MPP7: variants seen among roughly 807,000 people sequenced by gnomAD.
The protein encoded by MPP7 is MAGUK p55 scaffold protein 7, also known as MAGUK p55 subfamily member 7.
MPP7 carries 60 observed loss-of-function variants against 76.5 expected under a neutral mutation model. That is an observed-to-expected ratio of 0.78 (90% confidence interval 0.64 to 0.97). The LOEUF is 0.97. Among genes scored for constraint, MPP7 ranks in the 50% least tolerant of loss-of-function variants. The pLI is 0.00. For missense variants in MPP7, 641 were observed against 694.0 expected, an observed-to-expected ratio of 0.92 and a Z score of 0.86; for synonymous variants, 237 against 244.5, an observed-to-expected ratio of 0.97 and a Z score of 0.29.
rs190332100 is a variant in MPP7 at position 28,147,944 on chromosome 10, C to A, written c.235-381G>T. The stretch of plus-strand genomic sequence containing the variant: ...TCCCCCAACCCCCACAAAAACAGAG[C>A]TTCTGAATGAGGTGGTGAAATCCAC... On this transcript the variant is annotated intron_variant, in intron 4 of 16. Coordinates refer to ENST00000683449, the MANE Select transcript of MPP7 (RefSeq NM_001318170.2). 7.9e-5 allele frequency among the ~76,000 whole-genome samples: 12 copies of A among 152,296 alleles called. No homozygotes were observed. The East Asian group carries it at 2.1e-3, about 27-fold the overall frequency.
chr10:28,201,323 TATC>T (rs1032017866), intron 3 of MPP7, among the ~76,000 whole-genome samples: 38 of 152,270 alleles, frequency 2.5e-4, no homozygotes, highest in African/African-American at 8.7e-4. Flanking sequence ...AAAAGCCTCT[TATC>T]ATGACAGGCA....
rs117615225 is a variant in MPP7, at chr10:28,292,928, T to C, written c.-132+9933A>G. 3.3e-3 allele frequency among the ~76,000 whole-genome samples: 495 copies of C among 151,658 alleles called. 4 individuals carry two copies. The highest frequency in any genetic ancestry group is 5.5e-3 in the Non-Finnish European group (375 of 67,926). ...TGATACAGGTAGCATCACAAACCAC[T>C]AGGTTATTTAGTAAATGAGATTTGG... On this transcript the variant is annotated intron_variant, in intron 1 of 16. Transcript: ENST00000683449.
At chr10:28,192,587 A>G (rs1837445804) in intron 3 of MPP7, among the ~76,000 whole-genome samples, 1 of 152,248 alleles carries the variant, frequency 6.6e-6, no homozygotes, top group African/African-American at 2.4e-5. Context: ...GAGAATCTAA[A>G]TAAGGAAAAC....
chr10:28,179,651 A>C (rs1836995986), intron 3 of MPP7, among the ~76,000 whole-genome samples: 1 of 152,312 alleles, frequency 6.6e-6, no homozygotes, highest in South Asian at 2.1e-4. Flanking sequence ...ACAGAACTAA[A>C]TTCTTTAAGC....
intron 14 of MPP7, among the ~76,000 whole-genome samples, chr10:28,059,003 T>A (rs1020914372): frequency 3.9e-5 from 6 of 152,198 alleles, no homozygotes; most frequent in Non-Finnish European, 7.4e-5. Flanking sequence ...GGGTGGTGGC[T>A]AATGGAGCCA....
intron 5 of MPP7, among the ~76,000 whole-genome samples, chr10:28,139,293 C>T (rs1835439504): frequency 2.0e-5 from 3 of 152,316 alleles, no homozygotes; most frequent in Admixed American, 6.5e-5. Flanking sequence ...TCACCAGAAA[C>T]ACTTGAGCTT....
chr10:28,071,414 G>A (rs1441696605), intron 12 of MPP7, among the ~76,000 whole-genome samples: 3 of 152,108 alleles, frequency 2.0e-5, no homozygotes, highest in East Asian at 1.9e-4. Context: ...CACCTGTCCC[G>A]AGGTGGTCAT....
At position 28,243,126 on chromosome 10, in the gene MPP7, T is replaced by C. The variant is rs115228588; in HGVS notation, c.-131-4391A>G. The stretch of plus-strand genomic sequence containing the variant: ...ACAACTGAAGACAAACTATGGTTAT[T>C]CAAGCTTCGGTATTTGGCAAACATT... On this transcript the variant is annotated intron_variant, in intron 1 of 16. Transcript: ENST00000683449. 9.4e-3 allele frequency among the ~76,000 whole-genome samples: 1,432 copies of C among 152,288 alleles called. 11 individuals carry two copies. The highest frequency in any genetic ancestry group is 0.033 in the African/African-American group (1,374 of 41,556).
At chr10:28,246,719 A>G (rs1474092020) in intron 1 of MPP7, among the ~76,000 whole-genome samples, 1 of 152,152 alleles carries the variant, frequency 6.6e-6, no homozygotes, top group Non-Finnish European at 1.5e-5. Flanking sequence ...CAGATCTGGT[A>G]AGAACTCACT....
At chr10:28,079,024 G>A (rs1218165798) in intron 12 of MPP7, among the ~76,000 whole-genome samples, 1 of 152,102 alleles carries the variant, frequency 6.6e-6, no homozygotes, top group Non-Finnish European at 1.5e-5. Flanking sequence ...TTACATAGAA[G>A]AAGGTAGACA....
intron 2 of MPP7, among the ~76,000 whole-genome samples, chr10:28,238,263 GC>G (rs1564724682): frequency 2.6e-5 from 4 of 151,972 alleles, no homozygotes; most frequent in Admixed American, 6.6e-5. Context: ...CACAGTATTT[GC>G]CATACTTTTC....
chr10:28,329,616 G>A (rs567998429), intron 2 of MPP7, among the ~76,000 whole-genome samples: 1 of 118,136 alleles, frequency 8.5e-6, no homozygotes, highest in East Asian at 2.3e-4. Context: ...GGGCAACAGA[G>A]CGAGACTCCG....
intron 7 of MPP7, 117 bp downstream of exon 7, chr10:28,124,893 T>G (rs1232116936): frequency 1.3e-6 from 1 of 799,028 alleles, no homozygotes; most frequent in Non-Finnish European, 2.2e-6. Flanking sequence ...GAAAAATATC[T>G]TATTACTTGT....
At chr10:28,230,942 C>A (rs1190049812) in intron 2 of MPP7, among the ~76,000 whole-genome samples, 1 of 152,036 alleles carries the variant, frequency 6.6e-6, no homozygotes, top group Non-Finnish European at 1.5e-5. Flanking sequence ...AACAAAAAAT[C>A]AATTAGAATA....
At chr10:28,151,417 A>C (rs765119344) in intron 3 of MPP7, among the ~76,000 whole-genome samples, 6 of 152,238 alleles carry the variant, frequency 3.9e-5, no homozygotes, top group Non-Finnish European at 8.8e-5. Flanking sequence ...TACTGAGCTA[A>C]ATTCACTTTG....
chr10:28,182,526 T>C lies in MPP7; in HGVS notation c.156+19627A>G, dbSNP rs147701821. On this transcript the variant is annotated intron_variant, in intron 3 of 16. Transcript: ENST00000683449. ...TAGGTACGTTACTTACAGAAGGGAC[T>C]GCATGTGTGTACAAGGGGAATCCAC... Among the ~76,000 whole-genome samples the C allele has an allele frequency of 1.9e-3, 290 of 152,344 alleles. 2 individuals are homozygous for C. Among genetic ancestry groups the C allele is most frequent in the African/African-American group, 5.7e-3 (239 of 41,588 alleles).
rs546890339 is a variant in MPP7, at chr10:28,100,940, G to A, written c.953-11099C>T. 4.6e-5 allele frequency among the ~76,000 whole-genome samples: 7 copies of A among 152,106 alleles called. 1 individual carries two copies. The South Asian group carries it at 1.5e-3, about 32-fold the overall frequency. On this transcript the variant is annotated intron_variant, in intron 11 of 16. Transcript: ENST00000683449. Reference sequence around the variant, plus strand: ...TGAGAATTTAATTTTTTGTAAGCCGGCTAATAAAGAAATAAGCTCTTACTT... The same window carrying A: ...TGAGAATTTAATTTTTTGTAAGCCGACTAATAAAGAAATAAGCTCTTACTT...
intron 11 of MPP7, 105 bp from the exon 12 acceptor site, chr10:28,089,946 T>C (rs1853217188): frequency 1.9e-5 from 13 of 678,224 alleles, no homozygotes; most frequent in Non-Finnish European, 2.6e-5. Context: ...TACCATAATA[T>C]TGGGTTTTTA....
At chr10:28,178,168 T>A (rs2133896202) in intron 3 of MPP7, among the ~76,000 whole-genome samples, 1 of 152,212 alleles carries the variant, frequency 6.6e-6, no homozygotes, top group Middle Eastern at 3.4e-3. Context: ...TTCAGCAGCA[T>A]CCCTGAGCTG....
Sources: gnomAD v4.1 joint callset for allele counts (sites outside exome capture counted in the v4.1 genomes callset) on GRCh38, gnomAD v4.1.1 for gene constraint, MANE v1.5 for transcripts, NCBI Gene and HGNC (gene_info 2026-07-23, HGNC 2026-07-21) for gene names.